Variants in SYK observed in about 807,000 individuals in gnomAD.
SYK encodes tyrosine-protein kinase SYK.
Under a neutral mutation model 77.8 loss-of-function variants are expected in SYK, and 16 were observed. That is an observed-to-expected ratio of 0.21 (90% CI 0.14 to 0.31). The LOEUF (loss-of-function observed/expected upper bound fraction) is 0.31. Among genes scored for constraint, SYK ranks in the 10% least tolerant of loss-of-function variants. The pLI, the probability that SYK is intolerant of heterozygous loss-of-function variation, is 1.00. For missense variants in SYK, 529 were observed against 814.4 expected (o/e 0.65, Z 4.26); for synonymous variants, 312 against 308.7 (o/e 1.01, Z -0.11).
At chr9:90,868,551 C>T (rs957657301) in intron 7 of SYK, among the ~76,000 whole-genome samples, 18 of 152,192 alleles carry the variant, frequency 1.2e-4, no homozygotes, top group Admixed American at 7.9e-4. Context: ...GGATAATTGG[C>T]AGGGAATATC....
intron 3 of SYK, among the ~76,000 whole-genome samples, chr9:90,847,952 A>T (rs1490329766): frequency 6.6e-6 from 1 of 152,222 alleles, no homozygotes; most frequent in East Asian, 1.9e-4. Context: ...GGGGTTTGCC[A>T]CCTGGCAATT....
At chr9:90,853,252 C>G (rs948245090) in intron 3 of SYK, among the ~76,000 whole-genome samples, 1 of 148,498 alleles carries the variant, frequency 6.7e-6, no homozygotes, top group Non-Finnish European at 1.5e-5. Flanking sequence ...GTGTCGCTAA[C>G]TATAGGAACT....
intron 1 of SYK, among the ~76,000 whole-genome samples, chr9:90,826,447 C>G (rs929285622): frequency 3.9e-5 from 6 of 152,254 alleles, no homozygotes; most frequent in African/African-American, 1.4e-4. Flanking sequence ...TCTTCTGTGG[C>G]TGAAGTTTAT....
intron 3 of SYK, among the ~76,000 whole-genome samples, chr9:90,854,130 T>C (rs1587865993): frequency 6.6e-6 from 1 of 152,102 alleles, no homozygotes; most frequent in Admixed American, 6.5e-5. Context: ...CTATGGATGG[T>C]GGCAGAGTTT....
intron 9 of SYK, among the ~76,000 whole-genome samples, chr9:90,876,462 T>C (rs374577633): frequency 0.061 from 9,353 of 152,250 alleles, 369 homozygotes; most frequent in Middle Eastern, 0.13. Flanking sequence ...CATGCGCACA[T>C]ATATACACAC....
chr9:90,855,704 G>A (rs1051256500), intron 3 of SYK, among the ~76,000 whole-genome samples: 1 of 152,020 alleles, frequency 6.6e-6, no homozygotes, highest in Non-Finnish European at 1.5e-5. Flanking sequence ...GTGTGAGAGA[G>A]AGAGAGAGAG....
intron 3 of SYK, among the ~76,000 whole-genome samples, chr9:90,847,045 C>T (rs930837795): frequency 2.6e-5 from 4 of 152,306 alleles, no homozygotes; most frequent in Non-Finnish European, 4.4e-5. Flanking sequence ...TTTCTTTTTT[C>T]GGAGTTGTCT....
At chr9:90,830,581 C>CTTTT (rs57804863) in intron 1 of SYK, among the ~76,000 whole-genome samples, 2 of 111,578 alleles carry the variant, frequency 1.8e-5, no homozygotes, top group African/African-American at 7.8e-5. Context: ...ACTCATTCCT[C>CTTTT]TTTTTTTTTT....
intron 1 of SYK, among the ~76,000 whole-genome samples, chr9:90,838,422 G>A (rs556049017): frequency 6.6e-6 from 1 of 152,268 alleles, no homozygotes; most frequent in Admixed American, 6.5e-5. Context: ...GGAGGTATGC[G>A]GCCCAGGACA....
chr9:90,873,318 A>C (rs1327522454), intron 7 of SYK, among the ~76,000 whole-genome samples: 1 of 151,848 alleles, frequency 6.6e-6, no homozygotes, highest in African/African-American at 2.4e-5. Flanking sequence ...CAATCAATAC[A>C]TAGAATTGTG....
chr9:90,862,952 C>A (rs1313986328), intron 4 of SYK, among the ~76,000 whole-genome samples: 3 of 152,158 alleles, frequency 2.0e-5, no homozygotes, highest in Non-Finnish European at 4.4e-5. Flanking sequence ...ACTCCCTGGG[C>A]TCCAGGCTGC....
At chr9:90,890,697 T>C (rs1828752081) in intron 13 of SYK, among the ~76,000 whole-genome samples, 1 of 152,246 alleles carries the variant, frequency 6.6e-6, no homozygotes, top group African/African-American at 2.4e-5. Flanking sequence ...TATCAGACTT[T>C]GATTTATTTC....
intron 4 of SYK, among the ~76,000 whole-genome samples, chr9:90,864,167 A>C (rs528593598): frequency 6.6e-6 from 1 of 152,176 alleles, no homozygotes; most frequent in East Asian, 1.9e-4. Context: ...TTGCCATAAT[A>C]CCCTATTTCA....
At chr9:90,819,938 A>G (rs774505294) in intron 1 of SYK, among the ~76,000 whole-genome samples, 9 of 152,224 alleles carry the variant, frequency 5.9e-5, no homozygotes, top group Non-Finnish European at 1.5e-5. Flanking sequence ...GGGTACAGGT[A>G]TTGGGTAAAT....
At chr9:90,808,176 T>G (rs2118270453) in intron 1 of SYK, among the ~76,000 whole-genome samples, 1 of 152,330 alleles carries the variant, frequency 6.6e-6, no homozygotes, top group South Asian at 2.1e-4. Flanking sequence ...CAGGTTAATC[T>G]TTATCTCAAG....
At chr9:90,834,652 C>A (rs1826006660) in intron 1 of SYK, among the ~76,000 whole-genome samples, 1 of 152,226 alleles carries the variant, frequency 6.6e-6, no homozygotes, top group African/African-American at 2.4e-5. Context: ...ACAAGCTTAT[C>A]CAACCCATGA....
At chr9:90,843,271 C>G (rs866255230) in intron 1 of SYK, among the ~76,000 whole-genome samples, 19 of 152,314 alleles carry the variant, frequency 1.2e-4, no homozygotes, top group Admixed American at 5.2e-4. Context: ...GACCACAAGT[C>G]ACAGTTCCGT....
At position 90,864,644 on chromosome 9, in the gene SYK, C is replaced by A. The variant is rs767330445; in HGVS notation, c.773C>A (p.Pro258Gln). Residue 258 changes from proline to glutamine, a missense_variant, in exon 5 of 14, where the codon CCA (proline) becomes CAA (glutamine). Physicochemically the swap from Pro to Gln is moderately conservative, Grantham distance 76. This residue lies in a region of SYK where 321 missense variants were observed against 433.1 expected (regional missense o/e 0.74). Transcript: ENST00000375754. ...GGTTTGTTAAGAGTTCTTACTGTCCCATGTCAAAAAATCGGCACACAGGGT... is the reference window on the plus strand; with the variant it reads ...GGTTTGTTAAGAGTTCTTACTGTCCAATGTCAAAAAATCGGCACACAGGGT... ...ADGLLRVLTV[P>Q]CQKIGTQGNV... 1 of 1,614,064 alleles carries A rather than the reference C, an allele frequency of 6.2e-7. No homozygotes were observed. Among genetic ancestry groups the A allele is most frequent in the East Asian group, 2.2e-5 (1 of 44,880 alleles).
intron 5 of SYK, 143 bp from the exon 6 acceptor site, chr9:90,864,905 G>T (rs1262812297): frequency 1.2e-6 from 1 of 847,542 alleles, no homozygotes; most frequent in East Asian, 2.5e-5. Flanking sequence ...AAGTAAAAGA[G>T]GGTCGAAAGA....
Sources: gnomAD v4.1 joint callset for allele counts (sites outside exome capture counted in the v4.1 genomes callset) on GRCh38, gnomAD v4.1.1 for gene constraint, gnomAD v4.1.1 regional missense constraint, MANE v1.5 for transcripts, NCBI Gene and HGNC (gene_info 2026-07-23, HGNC 2026-07-21) for gene names.